NELL2: variants seen among roughly 807,000 people sequenced by gnomAD.
NELL2 encodes protein kinase C-binding protein NELL2.
A neutral mutation model predicts 109.6 loss-of-function variants in NELL2; 41 were observed. The ratio of observed to expected loss-of-function variants is 0.37; its 90% CI spans 0.29 to 0.49. The LOEUF (loss-of-function observed/expected upper bound fraction) is 0.49, where lower values mean the gene tolerates loss of function less well. Ranked by LOEUF, NELL2 falls within the 20% of genes least tolerant of loss-of-function variation. NELL2 has a pLI of 0.98. For missense variants in NELL2, 900 were observed against 1,008.3 expected (o/e 0.89, Z 1.45); for synonymous variants, 355 against 344.7 (o/e 1.03, Z -0.33).
chr12:44,714,839 T>C (rs940557427), intron 9 of NELL2, 98 bp from the exon 10 acceptor site: 55 of 641,012 alleles, frequency 8.6e-5, no homozygotes, highest in African/African-American at 5.5e-4. Flanking sequence ...GTTATACACC[T>C]TTTTTCAACA....
chr12:44,775,783 T>C (rs927094268), intron 8 of NELL2, among the ~76,000 whole-genome samples: 1 of 152,210 alleles, frequency 6.6e-6, no homozygotes, highest in Non-Finnish European at 1.5e-5. Context: ...GCTAACTTCA[T>C]GTGTGTACCA....
chr12:44,566,936 T>G (rs1239536066), intron 15 of NELL2, among the ~76,000 whole-genome samples: 1 of 152,074 alleles, frequency 6.6e-6, no homozygotes, highest in Non-Finnish European at 1.5e-5. Flanking sequence ...CTCAGGCTCC[T>G]TAGTAGCTGG....
chr12:44,723,912 T>C (rs931860541), intron 9 of NELL2, among the ~76,000 whole-genome samples: 1 of 152,022 alleles, frequency 6.6e-6, no homozygotes, highest in South Asian at 2.1e-4. Context: ...AGGAAAATAA[T>C]TCATTCTGTC....
At chr12:44,644,406 T>A (rs1038086636) in intron 13 of NELL2, among the ~76,000 whole-genome samples, 1 of 151,336 alleles carries the variant, frequency 6.6e-6, no homozygotes, top group Non-Finnish European at 1.5e-5. Flanking sequence ...ATTTAAAAGG[T>A]ATGCCCTAAA....
intron 2 of NELL2, among the ~76,000 whole-genome samples, chr12:44,827,657 C>G (rs1943757612): frequency 2.0e-5 from 3 of 152,138 alleles, no homozygotes; most frequent in Admixed American, 1.3e-4. Flanking sequence ...GGATCTCATT[C>G]TTATGACTGA....
intron 9 of NELL2, among the ~76,000 whole-genome samples, chr12:44,762,366 C>T (rs1941161825): frequency 6.6e-6 from 1 of 152,172 alleles, no homozygotes; most frequent in Admixed American, 6.6e-5. Context: ...CTCTTTCACT[C>T]ATACCCATTT....
chr12:44,755,634 T>C (rs1338581803), intron 9 of NELL2, among the ~76,000 whole-genome samples: 1 of 152,146 alleles, frequency 6.6e-6, no homozygotes, highest in Non-Finnish European at 1.5e-5. Flanking sequence ...TACTTTCCCA[T>C]TCCAGCTTCT....
chr12:44,543,783 G>A (rs1942678864), intron 15 of NELL2, among the ~76,000 whole-genome samples: 1 of 152,142 alleles, frequency 6.6e-6, no homozygotes, highest in African/African-American at 2.4e-5. Context: ...TCAGTCTGAA[G>A]TGATGAGTGA....
intron 3 of NELL2, among the ~76,000 whole-genome samples, chr12:44,807,454 C>T (rs1005584043): frequency 2.6e-5 from 4 of 151,386 alleles, no homozygotes; most frequent in Non-Finnish European, 4.4e-5. Flanking sequence ...AGTAAATCAT[C>T]GAGATATGAT....
At chr12:44,598,883 A>ACACACACACACACACT (rs1265603008) in intron 15 of NELL2, among the ~76,000 whole-genome samples, 118 of 144,026 alleles carry the variant, frequency 8.2e-4, no homozygotes, top group South Asian at 2.2e-3. Context: ...ACACACACAC[A>ACACACACACACACACT]CTCTCTCTCT....
upstream of NELL2, chr12:44,876,947 G>A: frequency 8.4e-7 from 1 of 1,192,514 alleles, no homozygotes; most frequent in Non-Finnish European, 1.1e-6. Context: ...CCCCGGCGCG[G>A]AGAGCTTCCC....
chr12:44,653,291 T>A (rs1947366792), intron 13 of NELL2, among the ~76,000 whole-genome samples: 1 of 152,246 alleles, frequency 6.6e-6, no homozygotes, highest in Non-Finnish European at 1.5e-5. Context: ...ATTTTAAAGA[T>A]GAAGAAACTG....
intron 1 of NELL2, among the ~76,000 whole-genome samples, chr12:44,885,884 T>C (rs776225426): frequency 1.3e-4 from 19 of 151,842 alleles, no homozygotes; most frequent in Non-Finnish European, 2.5e-4. Context: ...AATACTATAC[T>C]ATAAAGCTAT....
Position 44,823,059 on chromosome 12 carries a change from CAG to C in NELL2, c.185-6925_185-6924del, listed in dbSNP as rs1245265136. Among the ~76,000 whole-genome samples the C allele has an allele frequency of 3.9e-5, 6 of 152,088 alleles. No individual in the cohort carries two copies. The South Asian group carries it at 8.3e-4, about 21-fold the overall frequency. On this transcript the variant is annotated intron_variant, in intron 2 of 19. Transcript: ENST00000429094. ...GCAAACATGGGTGTTTACTGAAAAA[CAG>C]AGTCAAGTTGGAATTCCTTTCTTCT...
intron 2 of NELL2, among the ~76,000 whole-genome samples, chr12:44,842,132 G>GAAGGAAGGAAGT (rs1425507801): frequency 1.6e-4 from 24 of 150,316 alleles, no homozygotes; most frequent in South Asian, 6.4e-4. Context: ...AGGAAGGAAG[G>GAAGGAAGGAAGT]AAGGAAAGGG....
intron 19 of NELL2, among the ~76,000 whole-genome samples, chr12:44,518,704 GAA>G (rs1481392092): frequency 2.0e-5 from 3 of 152,136 alleles, no homozygotes; most frequent in African/African-American, 7.2e-5. Flanking sequence ...TAATCTCACA[GAA>G]AGATTAAGGG....
At chr12:44,703,987 T>C in intron 11 of NELL2, 133 bp from the exon 12 acceptor site, 1 of 708,864 alleles carries the variant, frequency 1.4e-6, no homozygotes, top group Non-Finnish European at 2.3e-6. Context: ...TCATCAACAT[T>C]TACAGAAGAA....
chr12:44,918,272 GAAA>G (rs1945843330), upstream of NELL2, among the ~76,000 whole-genome samples: 1 of 151,822 alleles, frequency 6.6e-6, no homozygotes, highest in Non-Finnish European at 1.5e-5. Flanking sequence ...CACATTTAGG[GAAA>G]AGAAAAAAAG....
intron 9 of NELL2, among the ~76,000 whole-genome samples, chr12:44,766,408 G>C (rs1056861672): frequency 6.6e-6 from 1 of 152,082 alleles, no homozygotes; most frequent in Non-Finnish European, 1.5e-5. Flanking sequence ...TGTGCAGTTG[G>C]GTTGTCGGAA....
Sources: allele counts gnomAD v4.1 joint callset (sites outside exome capture counted in the v4.1 genomes callset), GRCh38; gene constraint gnomAD v4.1.1; transcripts MANE v1.5; gene names NCBI Gene and HGNC (gene_info 2026-07-23, HGNC 2026-07-21).